YTHDC2: variants seen among roughly 807,000 people sequenced by gnomAD.
The protein encoded by YTHDC2 is YTH N6-methyladenosine RNA binding protein C2, also known as 3'-5' RNA helicase YTHDC2.
Under a neutral mutation model 174.9 loss-of-function variants are expected in YTHDC2, and 45 were observed. That is an observed-to-expected ratio of 0.26 (90% confidence interval 0.20 to 0.33). The LOEUF is 0.33. Among genes scored for constraint, YTHDC2 ranks in the 10% least tolerant of loss-of-function variants. YTHDC2 has a pLI of 1.00. For synonymous variants in YTHDC2, 657 were observed against 574.5 expected (o/e 1.14, Z -2.05); for missense variants, 1,650 against 1,723.7 (o/e 0.96, Z 0.76).
At chr5:113,577,429 G>A (rs1778125137) in intron 23 of YTHDC2, among the ~76,000 whole-genome samples, 1 of 152,068 alleles carries the variant, frequency 6.6e-6, no homozygotes, top group Non-Finnish European at 1.5e-5. Flanking sequence ...AAGTACAGTG[G>A]TGCAATTACA....
chr5:113,580,876 G>A (rs953290963), intron 24 of YTHDC2, among the ~76,000 whole-genome samples: 1 of 152,120 alleles, frequency 6.6e-6, no homozygotes, highest in Non-Finnish European at 1.5e-5. Flanking sequence ...TTGTTTCACA[G>A]ACCCTGCTGT....
At chr5:113,550,745 T>TGGGG (rs1375312980) in intron 12 of YTHDC2, among the ~76,000 whole-genome samples, 1 of 152,118 alleles carries the variant, frequency 6.6e-6, no homozygotes, top group African/African-American at 2.4e-5. Context: ...TATAAAACCA[T>TGGGG]TTACCACCAC....
chr5:113,514,219 C>A (rs1343272233), intron 1 of YTHDC2, 137 bp downstream of exon 1: 13 of 1,170,062 alleles, frequency 1.1e-5, no homozygotes, highest in Admixed American at 2.0e-5. Flanking sequence ...CGGGGCGGGC[C>A]TCAGCGGCGG....
intron 12 of YTHDC2, among the ~76,000 whole-genome samples, chr5:113,550,139 G>A (rs980183913): frequency 3.3e-5 from 5 of 151,042 alleles, no homozygotes; most frequent in African/African-American, 1.2e-4. Flanking sequence ...GGGTAAAACC[G>A]GGCAGGTACA....
In YTHDC2 at chr5:113,579,638, A is replaced by G. The variant is rs1422533747; in HGVS notation, c.3297A>G (p.Thr1099=). The change falls in exon 24 of 30, where the codon ACA becomes ACG. Residue 1099 remains threonine (T), a synonymous_variant. Coordinates refer to ENST00000161863, the MANE Select transcript of YTHDC2 (RefSeq NM_022828.5). ...SSDSEMEDKT[T]ANLAALKLDE... is the part of the protein sequence containing the mutation. ...ATAGTGAAATGGAGGACAAAACTAC[A>G]GCTAATTTGGCAGCCTTGAAACTTG... 2 of 1,611,044 alleles carry G rather than the reference A, an allele frequency of 1.2e-6. No individual in the cohort carries two copies. The highest frequency in any genetic ancestry group is 1.6e-4 in the Middle Eastern group (1 of 6,074).
intron 3 of YTHDC2, among the ~76,000 whole-genome samples, chr5:113,526,128 A>G (rs1377925331): frequency 6.6e-6 from 1 of 152,008 alleles, no homozygotes; most frequent in Non-Finnish European, 1.5e-5. Flanking sequence ...TTTTTGTAAT[A>G]TGTTTTCGTA....
intron 25 of YTHDC2, 128 bp downstream of exon 25, chr5:113,581,837 T>C (rs191353762): frequency 1.2e-6 from 1 of 814,586 alleles, no homozygotes; most frequent in East Asian, 3.2e-5. Context: ...CATGAAAAGA[T>C]AGCAATAAAG....
Position 113,581,444 on chromosome 5 carries a change from C to G in YTHDC2, c.3382C>G (p.Gln1128Glu). 1 of 1,609,438 alleles carries G rather than the reference C, an allele frequency of 6.2e-7. No individual in the cohort carries two copies. Among genetic ancestry groups the G allele is most frequent in the African/African-American group, 1.3e-5 (1 of 74,776 alleles). Residue 1128 changes from glutamine to glutamate, a missense_variant, in exon 25 of 30, where the codon CAG becomes GAG. Coordinates refer to ENST00000161863, the MANE Select transcript of YTHDC2 (RefSeq NM_022828.5). ...EAASLLLQLR[Q>E]KWHSLFLRRM... is the part of the protein sequence containing the mutation. ...AGCTAGTTTATTGCTGCAGCTCAGA[C>G]AGAAGTGGCATAGCTTATTTTTACG...
chr5:113,594,936 A>G lies in YTHDC2; in HGVS notation c.*1462A>G, dbSNP rs140937851. 1 of 152,212 alleles carries G rather than the reference A, an allele frequency of 6.6e-6. No homozygotes were observed. The highest frequency in any genetic ancestry group is 1.5e-5 in the Non-Finnish European group (1 of 67,988). The allele number at this position is 152,212 out of a possible 1,614,324, so 9.4% of individuals were successfully genotyped here. A position where few individuals can be genotyped will look rare whatever the true frequency, so the allele number is the denominator to read the frequency against. ...TATGATTTTGCCTATAGTTCTAGTTATTAGCTTTGGGGTTTTCTTGTACTT... is the reference window on the plus strand; with the variant it reads ...TATGATTTTGCCTATAGTTCTAGTTGTTAGCTTTGGGGTTTTCTTGTACTT... On this transcript the variant is annotated 3_prime_UTR_variant, in exon 30 of 30. Transcript: ENST00000161863.
chr5:113,538,915 G>A (rs1580522869), intron 7 of YTHDC2, among the ~76,000 whole-genome samples, 159 bp from the exon 8 acceptor site: 1 of 152,290 alleles, frequency 6.6e-6, no homozygotes, highest in Non-Finnish European at 1.5e-5. Flanking sequence ...TTGTTTGTAA[G>A]TCAAAGTTAT....
intron 12 of YTHDC2, among the ~76,000 whole-genome samples, chr5:113,552,092 T>C (rs1428899527): frequency 6.6e-6 from 1 of 152,150 alleles, no homozygotes; most frequent in African/African-American, 2.4e-5. Context: ...ATCAGAATAT[T>C]GTTTATAGTA....
At chr5:113,515,508 G>C in intron 2 of YTHDC2, 146 bp downstream of exon 2, 1 of 686,530 alleles carries the variant, frequency 1.5e-6, no homozygotes, top group Non-Finnish European at 2.4e-6. Flanking sequence ...ATTCAGGTCT[G>C]TACCAAATTC....
chr5:113,586,051 A>C (rs1778665436), intron 26 of YTHDC2, among the ~76,000 whole-genome samples: 1 of 152,056 alleles, frequency 6.6e-6, no homozygotes, highest in African/African-American at 2.4e-5. Flanking sequence ...GTTGTTTGAT[A>C]AATGTATATT....
At chr5:113,542,689 T>C (rs1775571738) in intron 10 of YTHDC2, among the ~76,000 whole-genome samples, 186 bp downstream of exon 10, 1 of 152,200 alleles carries the variant, frequency 6.6e-6, no homozygotes, top group Admixed American at 6.5e-5. Flanking sequence ...GAAATAAATA[T>C]TGTGTTAAAT....
At chr5:113,520,770 T>G (rs752901748) in intron 2 of YTHDC2, among the ~76,000 whole-genome samples, 2 of 152,204 alleles carry the variant, frequency 1.3e-5, no homozygotes, top group Non-Finnish European at 2.9e-5. Flanking sequence ...ATATAGTTTA[T>G]TTTTCAACTT....
chr5:113,575,378 C>G (rs1777976053), intron 23 of YTHDC2, among the ~76,000 whole-genome samples: 4 of 152,070 alleles, frequency 2.6e-5, no homozygotes, highest in Non-Finnish European at 5.9e-5. Context: ...GGTAGACAGA[C>G]AGTAAAAAAT....
intron 4 of YTHDC2, among the ~76,000 whole-genome samples, chr5:113,527,296 T>C (rs1000818335): frequency 3.9e-5 from 6 of 152,338 alleles, no homozygotes; most frequent in Admixed American, 3.9e-4. Context: ...AATATTAATA[T>C]AAAGTTGACT....
At chr5:113,530,173 T>A (rs1160221159) in intron 4 of YTHDC2, among the ~76,000 whole-genome samples, 1 of 152,202 alleles carries the variant, frequency 6.6e-6, no homozygotes, top group Non-Finnish European at 1.5e-5. Context: ...TTTTATTGTA[T>A]TATATCAGGT....
At chr5:113,567,930 AAAT>A in intron 23 of YTHDC2, 81 bp downstream of exon 23, 1 of 1,108,612 alleles carries the variant, frequency 9.0e-7, no homozygotes, top group East Asian at 2.8e-5. Context: ...TTACTAAACC[AAAT>A]AATGAAATTA....
Sources: gnomAD v4.1 joint callset for allele counts (sites outside exome capture counted in the v4.1 genomes callset) on GRCh38, gnomAD v4.1.1 for gene constraint, MANE v1.5 for transcripts, NCBI Gene and HGNC (gene_info 2026-07-23, HGNC 2026-07-21) for gene names.